The following RAB5C variants were observed in gnomAD, a reference collection of about 807,000 sequenced individuals.
The protein encoded by RAB5C is ras-related protein Rab-5C.
Under a neutral mutation model 25.2 loss-of-function variants are expected in RAB5C, and 4 were observed. The ratio of observed to expected loss-of-function variants is 0.16; its 90% CI spans 0.08 to 0.36. RAB5C has a LOEUF of 0.36. Ranked by LOEUF, RAB5C falls within the 10% of genes least tolerant of loss-of-function variation. The probability of loss-of-function intolerance (pLI) is 1.00; values close to 1 mark genes in which losing one functional copy is unlikely to be tolerated. For synonymous variants in RAB5C, 100 were observed against 106.4 expected, an observed-to-expected ratio of 0.94 and a Z score of 0.37; for missense variants, 199 against 283.8, an observed-to-expected ratio of 0.70 and a Z score of 2.15.
At chr17:42,145,436 GA>G (rs1182787801) in intron 1 of RAB5C, among the ~76,000 whole-genome samples, 1 of 152,182 alleles carries the variant, frequency 6.6e-6, no homozygotes, top group African/African-American at 2.4e-5. Flanking sequence ...ATGATGTGAT[GA>G]AAATAGCACT....
intron 1 of RAB5C, among the ~76,000 whole-genome samples, chr17:42,142,653 T>C (rs978968294): frequency 2.0e-5 from 3 of 152,188 alleles, no homozygotes; most frequent in Admixed American, 6.5e-5. Flanking sequence ...CATGGAGCTA[T>C]GAATAGAAGG....
At chr17:42,130,722 T>C (rs2054476881) in intron 1 of RAB5C, 132 bp from the exon 2 acceptor site, 8 of 1,149,304 alleles carry the variant, frequency 7.0e-6, no homozygotes, top group South Asian at 3.4e-5. Context: ...CTCACCTCCC[T>C]GCCCTCCCCA....
At chr17:42,137,194 T>C (rs2054545373) in intron 1 of RAB5C, among the ~76,000 whole-genome samples, 1 of 151,564 alleles carries the variant, frequency 6.6e-6, no homozygotes, top group African/African-American at 2.4e-5. Flanking sequence ...TAATCCCAGC[T>C]ACTTGGGAGG....
intron 1 of RAB5C, chr17:42,131,652 G>C (rs1432772145): frequency 2.6e-6 from 4 of 1,528,042 alleles, no homozygotes; most frequent in Non-Finnish European, 3.5e-6. Context: ...TGGAGAGAAA[G>C]AAGAGGCAGG....
At chr17:42,146,207 A>G (rs2079634004) in intron 1 of RAB5C, among the ~76,000 whole-genome samples, 1 of 152,236 alleles carries the variant, frequency 6.6e-6, no homozygotes, top group Non-Finnish European at 1.5e-5. Context: ...GAGCCTAAAG[A>G]GACAATGAAT....
intron 1 of RAB5C, among the ~76,000 whole-genome samples, chr17:42,134,511 A>G (rs548797363): frequency 1.3e-5 from 2 of 152,304 alleles, no homozygotes; most frequent in African/African-American, 4.8e-5. Context: ...CAGGAAGCAG[A>G]GATTGCAGTG....
chr17:42,143,019 G>A (rs2079611915), intron 1 of RAB5C, among the ~76,000 whole-genome samples: 1 of 152,170 alleles, frequency 6.6e-6, no homozygotes, highest in African/African-American at 2.4e-5. Flanking sequence ...AAATTCCAAA[G>A]GAAAGACCAA....
chr17:42,150,804 G>A (rs975463833), intron 1 of RAB5C, among the ~76,000 whole-genome samples: 61 of 151,736 alleles, frequency 4.0e-4, no homozygotes, highest in African/African-American at 1.4e-3. Context: ...CACAGGAGGC[G>A]GAGGTTGCAG....
intron 1 of RAB5C, among the ~76,000 whole-genome samples, chr17:42,147,639 T>C (rs1011907028): frequency 1.3e-5 from 2 of 152,258 alleles, no homozygotes; most frequent in African/African-American, 2.4e-5. Context: ...TACTGTAACA[T>C]TGATCCTATT....
intron 1 of RAB5C, among the ~76,000 whole-genome samples, chr17:42,148,096 C>G (rs1290061772): frequency 6.7e-6 from 1 of 149,682 alleles, no homozygotes; most frequent in Non-Finnish European, 1.5e-5. Flanking sequence ...AAAACTCTGT[C>G]TCAAAAACAA....
At chr17:42,127,341 G>T (rs1290004650) in intron 4 of RAB5C, among the ~76,000 whole-genome samples, 1 of 152,154 alleles carries the variant, frequency 6.6e-6, no homozygotes, top group Admixed American at 6.5e-5. Context: ...GGGGAAATTA[G>T]AAGAAGAGAA....
In RAB5C at chr17:42,128,703, G is replaced by C; in HGVS notation, c.264C>G (p.Pro88=). 1 of 1,564,498 alleles carries C rather than the reference G, an allele frequency of 6.4e-7. No homozygotes were observed. Among genetic ancestry groups the C allele is most frequent in the South Asian group, 1.2e-5 (1 of 83,662 alleles). ...CAGCCTGGGCCCCCCGATAGTACAT[G>C]GGGGCCAGGCTGTGATACCGCTCCT... ...AGQERYHSLA[P]MYYRGAQAAI... The change falls in exon 3 of 6, where the codon CCC becomes CCG. Residue 88 remains proline (P), a synonymous_variant. Coordinates refer to ENST00000346213, the MANE Select transcript of RAB5C (RefSeq NM_004583.4).
At chr17:42,143,628 C>CAGACT (rs1274521667) in intron 1 of RAB5C, among the ~76,000 whole-genome samples, 2,125 of 152,212 alleles carry the variant, frequency 0.014, 28 homozygotes, top group African/African-American at 0.042. Context: ...CAGAGTGAGT[C>CAGACT]TGTCTCCAAA....
chr17:42,144,925 C>CAAAAAAAAAA (rs544870361), intron 1 of RAB5C, among the ~76,000 whole-genome samples: 8 of 31,102 alleles, frequency 2.6e-4, no homozygotes, highest in Admixed American at 5.0e-4. Flanking sequence ...GACTCCGTCT[C>CAAAAAAAAAA]AAAAAAAAAA....
At chr17:42,127,065 C>T (rs540611919) in intron 4 of RAB5C, among the ~76,000 whole-genome samples, 5 of 152,330 alleles carry the variant, frequency 3.3e-5, no homozygotes, top group South Asian at 2.1e-4. Context: ...ATGTCTTACC[C>T]GGGTTTCCCC....
At chr17:42,147,760 C>T (rs2079646112) in intron 1 of RAB5C, among the ~76,000 whole-genome samples, 1 of 152,194 alleles carries the variant, frequency 6.6e-6, no homozygotes, top group African/African-American at 2.4e-5. Context: ...AGGTTCACGA[C>T]ATCCAAAGTG....
intron 1 of RAB5C, among the ~76,000 whole-genome samples, chr17:42,153,336 G>C (rs1217561439): frequency 1.3e-5 from 2 of 152,098 alleles, no homozygotes; most frequent in Non-Finnish European, 2.9e-5. Context: ...AGAACTGCTT[G>C]AACCCAGGAG....
At chr17:42,128,172 T>C in intron 4 of RAB5C, 89 bp downstream of exon 4, 1 of 1,516,620 alleles carries the variant, frequency 6.6e-7, no homozygotes, top group Non-Finnish European at 8.8e-7. Flanking sequence ...CCTCCTAGCA[T>C]GGCCCTTCCC....
Position 42,125,154 on chromosome 17 carries a change from G to A in RAB5C, c.*629C>T, listed in dbSNP as rs1555668440. ...TTGGTCAGAACAGGGCTCAGAGCCAGAGGTTGGGGTGACCGAGGGTGGAGG... is the reference window on the plus strand; with the variant it reads ...TTGGTCAGAACAGGGCTCAGAGCCAAAGGTTGGGGTGACCGAGGGTGGAGG... On this transcript the variant is annotated 3_prime_UTR_variant, in exon 6 of 6. Transcript: ENST00000346213. 7.2e-6 allele frequency: 1 copy of A among 139,636 alleles called. No homozygotes were observed. The highest frequency in any genetic ancestry group is 7.2e-5 in the Admixed American group (1 of 13,952). The allele number at this position is 139,636 out of a possible 1,614,324, so 8.6% of individuals were successfully genotyped here.
Sources: allele counts gnomAD v4.1 joint callset (sites outside exome capture counted in the v4.1 genomes callset), GRCh38; gene constraint gnomAD v4.1.1; transcripts MANE v1.5; gene names NCBI Gene and HGNC (gene_info 2026-07-23, HGNC 2026-07-21).